Variants in ITPR3 observed in about 807,000 individuals in gnomAD.
ITPR3 encodes the protein inositol 1,4,5-trisphosphate-gated calcium channel ITPR3.
Under a neutral mutation model 293.2 loss-of-function variants are expected in ITPR3, and 173 were observed. The ratio of observed to expected loss-of-function variants is 0.59; its 90% confidence interval spans 0.52 to 0.67. The LOEUF (loss-of-function observed/expected upper bound fraction) is 0.67, where lower values mean the gene tolerates loss of function less well. ITPR3 is among the 30% of genes least tolerant of loss of function. The pLI is 0.00. For missense variants in ITPR3, 2,796 were observed against 3,592.1 expected (o/e 0.78, Z 5.66); for synonymous variants, 1,295 against 1,444.4 (o/e 0.90, Z 2.35).
In ITPR3 at chr6:33,658,041, C is replaced by T. The variant is rs778432469; in HGVS notation, c.369+23C>T. ...CAGGTGAGGCTGGCCTGCCTCTCTC[C>T]CGCCTGCCCCTCTCCCTGCCTAAGA... On this transcript the variant is annotated intron_variant, in intron 4 of 57. Transcript: ENST00000605930. This position sits in a 1 kb window ranked among gnomAD's most constrained non-coding sequence, Gnocchi z 6.1. The T allele has an allele frequency of 1.0e-5, 16 of 1,596,046 alleles. No individual in the cohort carries two copies. Among genetic ancestry groups the T allele is most frequent in the Non-Finnish European group, 1.3e-5 (15 of 1,166,110 alleles).
intron 56 of ITPR3, 40 bp downstream of exon 56, chr6:33,693,745 A>G: frequency 6.2e-7 from 1 of 1,608,094 alleles, no homozygotes; most frequent in Non-Finnish European, 8.5e-7. Context: ...GGCCCAAACC[A>G]GCCATTCTAG....
chr6:33,680,104 G>A lies in ITPR3; in HGVS notation c.4195G>A (p.Val1399Met). ...SLLPLEDVVS[V>M]VTHEDCITEV... ...GCTGCCGCTGGAGGACGTGGTGTCT[G>A]TGGTGACGCATGAGGACTGCATCAC... The change falls in exon 31 of 58, where the codon GTG becomes ATG. Residue 1399 changes from valine to methionine, a missense_variant. This residue lies in a region of ITPR3 where 344 missense variants were observed against 460.3 expected (regional missense o/e 0.75). Transcript: ENST00000605930. 2 of 1,613,656 alleles carry A rather than the reference G, an allele frequency of 1.2e-6. No individual in the cohort carries two copies. The highest frequency in any genetic ancestry group is 1.7e-6 in the Non-Finnish European group (2 of 1,180,034).
In ITPR3 at chr6:33,689,297, G is replaced by A. The variant is rs139676554; in HGVS notation, c.6754G>A (p.Ala2252Thr). Residue 2252 changes from alanine to threonine, a missense_variant, in exon 50 of 58, where the codon GCG becomes ACG. By Grantham distance (58) the Ala-to-Thr change is moderately conservative. Transcript: ENST00000605930. Reference protein sequence around the residue: ...LFWILICFSIAALFTKRYSIR... With the variant: ...LFWILICFSITALFTKRYSIR... ...CTGGATCCTCATCTGCTTCTCCATC[G>A]CGGCCCTGTTCACCAAGCGCTACAG... The A allele has an allele frequency of 1.1e-5, 18 of 1,612,210 alleles. No individual in the cohort carries two copies. The highest frequency in any genetic ancestry group is 6.8e-6 in the Non-Finnish European group (8 of 1,180,010).
At chr6:33,661,992 GAAAAA>G (rs55958712) in intron 7 of ITPR3, among the ~76,000 whole-genome samples, 6,592 of 46,886 alleles carry the variant, frequency 0.14, 329 homozygotes, top group Non-Finnish European at 0.2. Flanking sequence ...GACTGTCTCT[GAAAAA>G]AAAAAAAAAA....
intron 47 of ITPR3, 26 bp from the exon 48 acceptor site, chr6:33,688,213 C>T: frequency 5.6e-6 from 9 of 1,613,992 alleles, no homozygotes; most frequent in South Asian, 3.3e-5. Flanking sequence ...CTGCGCCGGG[C>T]GTGACCATGT....
rs1444445867 is a variant in ITPR3, at chr6:33,679,024, G to A, written c.3972+185G>A. Among the ~76,000 whole-genome samples, 1 of 152,174 alleles carries A rather than the reference G, an allele frequency of 6.6e-6. No homozygotes were observed. Among genetic ancestry groups the A allele is most frequent in the Non-Finnish European group, 1.5e-5 (1 of 68,012 alleles). ...CAGATGTGGTAGAACTCAGCCTGTG[G>A]GCCTGATAGAACTCAAGCAGGGTCC... On this transcript the variant is annotated intron_variant, in intron 30 of 57. Transcript: ENST00000605930. The surrounding 1 kb of genome is among the most constrained non-coding windows in gnomAD (Gnocchi z 4.2).
At position 33,670,410 on chromosome 6, in the gene ITPR3, C is replaced by G. The variant is rs771383206; in HGVS notation, c.2275C>G (p.Leu759Val). The G allele has an allele frequency of 1.2e-6, 2 of 1,614,088 alleles. No individual in the cohort carries two copies. Among genetic ancestry groups the G allele is most frequent in the South Asian group, 2.2e-5 (2 of 91,072 alleles). ...DEISQQLGVD[L>V]IFLCMADEML... ...GATCTCCCAGCAGCTGGGCGTGGACCTGATTTTCCTGTGCATGGCAGACGA... is the reference window on the plus strand; with the variant it reads ...GATCTCCCAGCAGCTGGGCGTGGACGTGATTTTCCTGTGCATGGCAGACGA... Residue 759 changes from leucine to valine, a missense_variant, in exon 19 of 58, where the codon CTG (leucine) becomes GTG (valine). Physicochemically the swap from Leu to Val is conservative, Grantham distance 32. This residue lies in a region of ITPR3 where 955 missense variants were observed against 1,180.8 expected (regional missense o/e 0.81). Coordinates refer to ENST00000605930, the MANE Select transcript of ITPR3 (RefSeq NM_002224.4). The surrounding 1 kb of genome is among the most constrained non-coding windows in gnomAD (Gnocchi z 6.7).
In ITPR3 at chr6:33,655,971, A is replaced by C; in HGVS notation, c.282+84A>C. Reference sequence around the variant, plus strand: ...AGCAGCGGTGCTGCTTGTCGGAGCCAGTAGGGGCTCTGTGGCTGAGCTGAG... The same window carrying C: ...AGCAGCGGTGCTGCTTGTCGGAGCCCGTAGGGGCTCTGTGGCTGAGCTGAG... On this transcript the variant is annotated intron_variant, in intron 3 of 57. Transcript: ENST00000605930. The surrounding 1 kb of genome is among the most constrained non-coding windows in gnomAD (Gnocchi z 4.9). The C allele has an allele frequency of 1.9e-6, 3 of 1,560,126 alleles. No individual in the cohort carries two copies. In the South Asian group the frequency reaches 3.4e-5, roughly 18 times the overall value.
rs1269084187 is a variant in ITPR3, at chr6:33,644,393, G to T, written c.160+3839G>T. Among the ~76,000 whole-genome samples the T allele has an allele frequency of 2.0e-5, 3 of 151,884 alleles. No individual in the cohort carries two copies. The East Asian group carries it at 5.8e-4, about 30-fold the overall frequency. ...CCGTCTCGGCCTTCCAAAGTGCTGG[G>T]ATTACAGGCGTGAGCCACTGCGCCT... is the stretch of plus-strand genomic sequence containing the variant. On this transcript the variant is annotated intron_variant, in intron 2 of 57. Transcript: ENST00000605930.
chr6:33,676,037 A>G (rs1433582253), intron 25 of ITPR3, among the ~76,000 whole-genome samples, 181 bp downstream of exon 25: 4 of 152,210 alleles, frequency 2.6e-5, no homozygotes. Flanking sequence ...AGTGCCTGCC[A>G]TTTCTTATGA....
At chr6:33,652,292 G>A (rs908898491) in intron 2 of ITPR3, among the ~76,000 whole-genome samples, 4 of 152,136 alleles carry the variant, frequency 2.6e-5, no homozygotes, top group African/African-American at 9.7e-5. Context: ...AGTAATTTCT[G>A]GGTTGATGTA....
chr6:33,649,112 C>G lies in ITPR3; in HGVS notation c.161-6654C>G, dbSNP rs754811701. ...TAGAGACCGGGTTTCACCATCTTGG[C>G]CAGGCTGGTCTTGAACTCCTGACCC... is the stretch of plus-strand genomic sequence containing the variant. On this transcript the variant is annotated intron_variant, in intron 2 of 57. Coordinates refer to ENST00000605930, the MANE Select transcript of ITPR3 (RefSeq NM_002224.4). Among the ~76,000 whole-genome samples, 5 of 152,320 alleles carry G rather than the reference C, an allele frequency of 3.3e-5. No homozygotes were observed. The South Asian group carries it at 6.2e-4, about 19-fold the overall frequency.
At chr6:33,677,994 C>T (rs772093129) in intron 28 of ITPR3, among the ~76,000 whole-genome samples, 6 of 152,138 alleles carry the variant, frequency 3.9e-5, no homozygotes, top group Non-Finnish European at 8.8e-5. Flanking sequence ...CTGAACCCAA[C>T]CTCTCCTTGA....
At chr6:33,640,606 G>C (rs1488048452) in intron 2 of ITPR3, 52 bp downstream of exon 2, 8 of 1,405,464 alleles carry the variant, frequency 5.7e-6, no homozygotes. Flanking sequence ...CAGGGTTCTG[G>C]ACCTGCGACT....
rs372961102 is a variant in ITPR3, at chr6:33,680,147, G to C, written c.4224+14G>C. ...TGCATCACTGAGGTGGGGATCGGGA[G>C]ACTGGGCAAGACGGCTGGAGATGGG... On this transcript the variant is annotated intron_variant, in intron 31 of 57. Transcript: ENST00000605930. 11 of 1,607,606 alleles carry C rather than the reference G, an allele frequency of 6.8e-6. No individual in the cohort carries two copies. In the African/African-American group the frequency reaches 1.3e-4, roughly 20 times the overall value.
At position 33,675,028 on chromosome 6, in the gene ITPR3, T is replaced by C. The variant is rs915744637; in HGVS notation, c.3117-663T>C. Among the ~76,000 whole-genome samples, 1 of 152,166 alleles carries C rather than the reference T, an allele frequency of 6.6e-6. No homozygotes were observed. ...GGAAATGCTGTATTTTGGTTAGAGG[T>C]TGGGAAAAATAAAGATGTAACATTT... On this transcript the variant is annotated intron_variant, in intron 24 of 57. Coordinates refer to ENST00000605930, the MANE Select transcript of ITPR3 (RefSeq NM_002224.4). The surrounding 1 kb of genome is among the most constrained non-coding windows in gnomAD (Gnocchi z 5.0).
Position 33,672,240 on chromosome 6 carries a change from A to G in ITPR3, c.2928+12A>G. Reference sequence around the variant, plus strand: ...TGGAAATCCTTCAGGTGCCTGGGCCAGGACCGTGTGGGAGGTGTTGGGTAT... The same window carrying G: ...TGGAAATCCTTCAGGTGCCTGGGCCGGGACCGTGTGGGAGGTGTTGGGTAT... On this transcript the variant is annotated intron_variant, in intron 22 of 57. Coordinates refer to ENST00000605930, the MANE Select transcript of ITPR3 (RefSeq NM_002224.4). This position sits in a 1 kb window ranked among gnomAD's most constrained non-coding sequence, Gnocchi z 5.0. The G allele has an allele frequency of 6.9e-7, 1 of 1,448,880 alleles. No individual in the cohort carries two copies. Among genetic ancestry groups the G allele is most frequent in the Non-Finnish European group, 9.4e-7 (1 of 1,065,500 alleles). The allele number at this position is 1,448,880 out of a possible 1,614,324, so 89.8% of individuals were successfully genotyped here.
rs1274161507 is a variant in ITPR3, at chr6:33,688,332, A to G, written c.6469A>G (p.Thr2157Ala). The G allele has an allele frequency of 6.2e-7, 1 of 1,613,808 alleles. No homozygotes were observed. The highest frequency in any genetic ancestry group is 8.5e-7 in the Non-Finnish European group (1 of 1,179,986). The stretch of plus-strand genomic sequence containing the variant: ...GGAGGAAACCAAGCACCGGCTCTTC[A>G]CCACTACTGAGCAGGACGAGCAGGG... ...LTEETKHRLF[T>A]TTEQDEQGSK... The change falls in exon 48 of 58, where the codon ACC becomes GCC. Residue 2157 changes from threonine to alanine, a missense_variant. Transcript: ENST00000605930.
chr6:33,676,753 ATCC>A lies in ITPR3; in HGVS notation c.3283-11_3283-9del. ...GGAGCCCATCTCACCAGCCAGGCCC[ATCC>A]TCCACCTTCAGGTTCAGCTGCTGAT... On this transcript the variant is annotated splice_polypyrimidine_tract_variant and intron_variant, in intron 25 of 57. Transcript: ENST00000605930. 1 of 1,613,780 alleles carries A rather than the reference ATCC, an allele frequency of 6.2e-7. No individual in the cohort carries two copies. The highest frequency in any genetic ancestry group is 8.5e-7 in the Non-Finnish European group (1 of 1,179,716).
Sources: gnomAD v4.1 joint callset for allele counts (sites outside exome capture counted in the v4.1 genomes callset) on GRCh38, gnomAD v4.1.1 for gene constraint, gnomAD v4.1.1 regional missense constraint, Gnocchi (gnomAD v3.1) non-coding constraint, MANE v1.5 for transcripts, NCBI Gene and HGNC (gene_info 2026-07-23, HGNC 2026-07-21) for gene names.